Variants in SETBP1 observed in about 807,000 individuals in gnomAD.
The protein encoded by SETBP1 is SET binding protein 1.
SETBP1 carries 9 observed loss-of-function variants against 101.0 expected under a neutral mutation model. The ratio of observed to expected loss-of-function variants is 0.09; its 90% CI spans 0.05 to 0.16. The LOEUF is 0.16. SETBP1 is among the 10% of genes least tolerant of loss of function. The probability of loss-of-function intolerance (pLI) is 1.00; values close to 1 mark genes in which losing one functional copy is unlikely to be tolerated. For missense variants in SETBP1, 1,858 were observed against 2,033.8 expected (o/e 0.91, Z 1.66); for synonymous variants, 818 against 788.5 (o/e 1.04, Z -0.63).
chr18:44,982,359 G>C (rs2072133595), intron 4 of SETBP1, among the ~76,000 whole-genome samples: 1 of 152,192 alleles, frequency 6.6e-6, no homozygotes, highest in African/African-American at 2.4e-5. Context: ...CGCCTCAGGG[G>C]GCCAGAGCCA....
intron 2 of SETBP1, among the ~76,000 whole-genome samples, chr18:44,791,419 C>T (rs1361367979): frequency 1.3e-5 from 2 of 152,182 alleles, no homozygotes; most frequent in Admixed American, 6.5e-5. Context: ...AAAACACATA[C>T]ACACACATAT....
At chr18:44,744,505 G>A (rs1466652009) in intron 2 of SETBP1, among the ~76,000 whole-genome samples, 2 of 152,226 alleles carry the variant, frequency 1.3e-5, no homozygotes, top group African/African-American at 4.8e-5. Flanking sequence ...TACTGTACGC[G>A]CCCAAGAGCC....
intron 2 of SETBP1, among the ~76,000 whole-genome samples, chr18:44,862,311 A>G (rs1454663419): frequency 6.6e-6 from 1 of 152,266 alleles, no homozygotes; most frequent in Non-Finnish European, 1.5e-5. Flanking sequence ...AGTTATTATT[A>G]GTCATCCTTG....
In SETBP1 at chr18:44,950,987, C is replaced by T; in HGVS notation, c.1647C>T (p.Ala549=). Residue 549 remains alanine (A), a synonymous_variant, in exon 4 of 6, where the codon GCC becomes GCT. Coordinates refer to ENST00000649279, the MANE Select transcript of SETBP1 (RefSeq NM_015559.3). ...PSTMLREAVM[A]TSDKLMLEPP... is the part of the protein sequence containing the mutation. The stretch of plus-strand genomic sequence containing the variant: ...CCATGCTTCGAGAGGCAGTTATGGC[C>T]ACCTCTGATAAACTGATGCTGGAGC... 6.2e-7 allele frequency: 1 copy of T among 1,614,052 alleles called. No individual in the cohort carries two copies.
intron 2 of SETBP1, among the ~76,000 whole-genome samples, chr18:44,818,271 T>A (rs982115053): frequency 6.6e-6 from 1 of 152,224 alleles, no homozygotes; most frequent in Non-Finnish European, 1.5e-5. Context: ...AATTTATTCA[T>A]GTCGAGATTT....
chr18:45,011,542 C>T (rs1411745494), intron 4 of SETBP1, among the ~76,000 whole-genome samples: 2 of 152,238 alleles, frequency 1.3e-5, no homozygotes, highest in African/African-American at 4.8e-5. Context: ...CTGCGCTGAA[C>T]AGCCTGCTCA....
chr18:44,931,434 T>C (rs1339208533), intron 3 of SETBP1, among the ~76,000 whole-genome samples: 6 of 152,216 alleles, frequency 3.9e-5, no homozygotes, highest in Admixed American at 3.9e-4. Context: ...GGGTGGAGAC[T>C]TCTGTACATG....
intron 5 of SETBP1, among the ~76,000 whole-genome samples, chr18:45,054,285 T>A (rs1033379360): frequency 5.9e-5 from 9 of 152,084 alleles, no homozygotes; most frequent in Admixed American, 1.3e-4. Context: ...CCTCCAGGGT[T>A]CAAGTGATTT....
At chr18:45,011,679 C>T (rs952247555) in intron 4 of SETBP1, among the ~76,000 whole-genome samples, 2 of 152,164 alleles carry the variant, frequency 1.3e-5, no homozygotes, top group African/African-American at 4.8e-5. Flanking sequence ...ATGTGAGTTC[C>T]AATAGTCTTC....
intron 3 of SETBP1, among the ~76,000 whole-genome samples, chr18:44,900,894 G>A (rs1214355132): frequency 6.6e-6 from 1 of 152,098 alleles, no homozygotes; most frequent in African/African-American, 2.4e-5. Context: ...TACCAGGAAG[G>A]GTGTGGATTT....
At chr18:44,997,666 A>G (rs1336653282) in intron 4 of SETBP1, among the ~76,000 whole-genome samples, 1 of 152,222 alleles carries the variant, frequency 6.6e-6, no homozygotes, top group Non-Finnish European at 1.5e-5. Context: ...TCCAGGCCTC[A>G]TGTAAATAAC....
chr18:44,830,974 T>C (rs190176957), intron 2 of SETBP1, among the ~76,000 whole-genome samples: 1 of 152,322 alleles, frequency 6.6e-6, no homozygotes, highest in African/African-American at 2.4e-5. Context: ...ATGGGGAATA[T>C]GTATCATTTG....
At chr18:44,837,317 G>A (rs919699501) in intron 2 of SETBP1, among the ~76,000 whole-genome samples, 1 of 152,186 alleles carries the variant, frequency 6.6e-6, no homozygotes, top group Admixed American at 6.5e-5. Context: ...CTTAGTCCCT[G>A]TATCAACACT....
chr18:44,950,424 T>C lies in SETBP1; in HGVS notation c.1084T>C (p.Phe362Leu). Residue 362 changes from phenylalanine to leucine, a missense_variant, in exon 4 of 6, where the codon TTT (phenylalanine) becomes CTT (leucine). Physicochemically the swap from Phe to Leu is conservative, Grantham distance 22. Transcript: ENST00000649279. ...LDWVKNAQKA[F>L]DNTEGKREGY... ...TTGGGTCAAGAATGCCCAGAAAGCA[T>C]TTGACAATACAGAAGGGAAAAGGGA... is the stretch of plus-strand genomic sequence containing the variant. 6.2e-7 allele frequency: 1 copy of C among 1,614,134 alleles called. No homozygotes were observed. Among genetic ancestry groups the C allele is most frequent in the Non-Finnish European group, 8.5e-7 (1 of 1,180,036 alleles).
At chr18:45,057,505 C>T (rs999884303) in intron 5 of SETBP1, among the ~76,000 whole-genome samples, 6 of 152,152 alleles carry the variant, frequency 3.9e-5, no homozygotes, top group African/African-American at 1.4e-4. Context: ...GTGCTGGGAA[C>T]TCTGGAAGTA....
Position 44,775,576 on chromosome 18 carries a change from C to G in SETBP1, c.486+73744C>G, listed in dbSNP as rs575307359. Among the ~76,000 whole-genome samples the G allele has an allele frequency of 2.6e-5, 4 of 152,136 alleles. No individual in the cohort carries two copies. In the East Asian group the frequency reaches 7.7e-4, roughly 29 times the overall value. On this transcript the variant is annotated intron_variant, in intron 2 of 5. Coordinates refer to ENST00000649279, the MANE Select transcript of SETBP1 (RefSeq NM_015559.3). ...AATAAAATATAATTTTGTCTCCTTA[C>G]TTTCTAATTTGTTTTTTTTCTATAG... is the stretch of plus-strand genomic sequence containing the variant.
rs188807432 is a variant in SETBP1 at position 44,807,423 on chromosome 18, C to T, written c.487-61807C>T. ...CTTTTTCTATCCTATTTTAAATTAT[C>T]CATGTGCCATTGTAGAGACATTTCC... On this transcript the variant is annotated intron_variant, in intron 2 of 5. Transcript: ENST00000649279. Among the ~76,000 whole-genome samples the T allele has an allele frequency of 1.9e-3, 287 of 151,842 alleles. 2 individuals carry two copies. The highest frequency in any genetic ancestry group is 3.7e-3 in the Admixed American group (56 of 15,258).
intron 4 of SETBP1, among the ~76,000 whole-genome samples, chr18:45,008,005 C>CTCA (rs1285123795): frequency 6.6e-6 from 1 of 152,184 alleles, no homozygotes; most frequent in East Asian, 1.9e-4. Flanking sequence ...TCCTGAGATA[C>CTCA]CAAAGCTGGC....
intron 4 of SETBP1, among the ~76,000 whole-genome samples, chr18:44,963,717 C>T (rs1288437436): frequency 3.3e-5 from 5 of 151,012 alleles, no homozygotes; most frequent in Admixed American, 6.6e-5. Flanking sequence ...AGGGAGACCC[C>T]GTCTCTATAA....
Sources: allele counts gnomAD v4.1 joint callset (sites outside exome capture counted in the v4.1 genomes callset), GRCh38; gene constraint gnomAD v4.1.1; transcripts MANE v1.5; gene names NCBI Gene and HGNC (gene_info 2026-07-23, HGNC 2026-07-21).